The following COL6A3 variants were observed in gnomAD, a reference collection of about 807,000 sequenced individuals.
The protein encoded by COL6A3 is collagen type VI alpha 3 chain.
Under a neutral mutation model 274.1 loss-of-function variants are expected in COL6A3, and 137 were observed. The ratio of observed to expected loss-of-function variants is 0.50; its 90% CI spans 0.44 to 0.58. The LOEUF (loss-of-function observed/expected upper bound fraction) is 0.58. COL6A3 is among the 20% of genes least tolerant of loss of function. The pLI, the probability that COL6A3 is intolerant of heterozygous loss-of-function variation, is 0.00. For missense variants in COL6A3, 3,950 were observed against 4,124.9 expected (o/e 0.96, Z 1.16); for synonymous variants, 1,650 against 1,650.6 (o/e 1.00, Z 0.01).
At chr2:237,333,295 G>T in intron 42 of COL6A3, 155 bp downstream of exon 42, 1 of 719,646 alleles carries the variant, frequency 1.4e-6, no homozygotes, top group Admixed American at 2.0e-5. Context: ...GGATTATGCA[G>T]AATAAGATGA....
chr2:237,385,179 A>G (rs1475465781), intron 4 of COL6A3, among the ~76,000 whole-genome samples: 2 of 152,110 alleles, frequency 1.3e-5, no homozygotes, highest in African/African-American at 4.8e-5. Flanking sequence ...TCACTAGTTT[A>G]TATTATTATT....
At position 237,324,592 on chromosome 2, in the gene COL6A3, C is replaced by G; in HGVS notation, c.*182G>C. The G allele has an allele frequency of 1.6e-6, 1 of 637,448 alleles. No homozygotes were observed. The highest frequency in any genetic ancestry group is 2.9e-5 in the East Asian group (1 of 34,866). 39.5% of individuals were successfully genotyped at this position (637,448 alleles called of 1,614,324 possible). On this transcript the variant is annotated 3_prime_UTR_variant, in exon 44 of 44. Coordinates refer to ENST00000295550, the MANE Select transcript of COL6A3 (RefSeq NM_004369.4). ...CCTGGAGACAGAGAGCGAGGGTCCA[C>G]AGACACATTAGCACCATACTGATAG...
Position 237,377,136 on chromosome 2 carries a change from A to G in COL6A3, c.2706T>C (p.Leu902=), listed in dbSNP as rs754060767. The change falls in exon 7 of 44, where the codon CTT becomes CTC. Residue 902 remains leucine, a synonymous_variant. Coordinates refer to ENST00000295550, the MANE Select transcript of COL6A3 (RefSeq NM_004369.4). The part of the protein sequence containing the change: ...EHQSKPEILN[L]VKRMKIKTGK... Reference sequence around the variant, plus strand: ...CCGTCTTGATCTTCATTCTCTTCACAAGATTCAGGATCTCAGGCTTACTCT... The same window carrying G: ...CCGTCTTGATCTTCATTCTCTTCACGAGATTCAGGATCTCAGGCTTACTCT... 2 of 1,614,144 alleles carry G rather than the reference A, an allele frequency of 1.2e-6. No homozygotes were observed. Among genetic ancestry groups the G allele is most frequent in the East Asian group, 4.5e-5 (2 of 44,882 alleles).
chr2:237,356,333 C>G (rs986871373), intron 23 of COL6A3, among the ~76,000 whole-genome samples: 2 of 152,122 alleles, frequency 1.3e-5, no homozygotes, highest in African/African-American at 4.8e-5. Flanking sequence ...CACTTCCAAG[C>G]AGTTGATCCA....
intron 24 of COL6A3, among the ~76,000 whole-genome samples, chr2:237,354,435 T>C (rs765172433): frequency 2.0e-5 from 3 of 152,056 alleles, no homozygotes; most frequent in South Asian, 2.1e-4. Flanking sequence ...GACAAAGGCA[T>C]ATCCAATTGC....
At chr2:237,406,517 A>G (rs1478186699) in intron 1 of COL6A3, among the ~76,000 whole-genome samples, 2 of 152,138 alleles carry the variant, frequency 1.3e-5, no homozygotes, top group Non-Finnish European at 2.9e-5. Context: ...AGCCGTGCAC[A>G]CTGACTGTGA....
rs756709812 is a variant in COL6A3, at chr2:237,380,982, G to A, written c.1830C>T (p.Ala610=). 77 of 1,614,072 alleles carry A rather than the reference G, an allele frequency of 4.8e-5. No individual in the cohort carries two copies. The highest frequency in any genetic ancestry group is 8.9e-5 in the East Asian group (4 of 44,886). The change falls in exon 5 of 44, where the codon GCC becomes GCT. Residue 610 remains alanine, a synonymous_variant. Coordinates refer to ENST00000295550, the MANE Select transcript of COL6A3 (RefSeq NM_004369.4). The stretch of plus-strand genomic sequence containing the variant: ...CAGGCAGCATGCCTTGCAATGGGGC[G>A]GCTCGGAACTCAGCTGGGATGAACA... ...SLVFIPAEFR[A]APLQGMLPGL...
Position 237,387,676 on chromosome 2 carries a change from A to G in COL6A3, c.1218T>C (p.Arg406=), listed in dbSNP as rs766367190. 5.6e-6 allele frequency: 9 copies of G among 1,613,942 alleles called. No homozygotes were observed. The Admixed American group carries it at 1.5e-4, about 27-fold the overall frequency. Residue 406 remains arginine, a synonymous_variant, in exon 4 of 44, where the codon CGT becomes CGC. Transcript: ENST00000295550. ...DNLVFTVPEF[R]SFGDLQEKLL... is the part of the protein sequence containing the mutation. ...ATTTCTCCTGGAGGTCCCCAAAGCT[A>G]CGGAATTCCGGGACAGTAAACACCA... is the stretch of plus-strand genomic sequence containing the variant.
intron 23 of COL6A3, among the ~76,000 whole-genome samples, chr2:237,356,170 G>T (rs892788985): frequency 3.3e-5 from 5 of 152,154 alleles, no homozygotes; most frequent in African/African-American, 1.2e-4. Flanking sequence ...TTAATTGTAT[G>T]AACTACTCAA....
intron 9 of COL6A3, among the ~76,000 whole-genome samples, chr2:237,370,281 C>G (rs2077655147): frequency 6.6e-6 from 1 of 151,136 alleles, no homozygotes; most frequent in South Asian, 2.1e-4. Flanking sequence ...CTCTGTCGCC[C>G]AGGCTGGAGT....
intron 33 of COL6A3, 40 bp from the exon 34 acceptor site, chr2:237,345,134 C>T: frequency 6.2e-7 from 1 of 1,614,080 alleles, no homozygotes; most frequent in African/African-American, 1.3e-5. Flanking sequence ...GAGAGCAAAT[C>T]AAAGGCTCAT....
Position 237,387,646 on chromosome 2 carries a change from C to G in COL6A3, c.1248G>C (p.Leu416=). 1.9e-6 allele frequency: 3 copies of G among 1,613,796 alleles called. No individual in the cohort carries two copies. Among genetic ancestry groups the G allele is most frequent in the Non-Finnish European group, 2.5e-6 (3 of 1,179,898 alleles). ...RSFGDLQEKL[L]PYIVGVAQRH... ...TTTGGGCCACGCCAACAATGTACGG[C>G]AGTAATTTCTCCTGGAGGTCCCCAA... Residue 416 remains leucine (L), a synonymous_variant, in exon 4 of 44, where the codon CTG becomes CTC. Coordinates refer to ENST00000295550, the MANE Select transcript of COL6A3 (RefSeq NM_004369.4).
At position 237,368,737 on chromosome 2, in the gene COL6A3, G is replaced by T. The variant is rs773979979; in HGVS notation, c.4726C>A (p.Arg1576=). 6.2e-7 allele frequency: 1 copy of T among 1,614,124 alleles called. No homozygotes were observed. The highest frequency in any genetic ancestry group is 1.1e-5 in the South Asian group (1 of 91,076). The part of the protein sequence containing the change: ...SGIVSLGVGD[R]NIDRTELQTI... ...TGCAGCTCTGTTCTGTCGATGTTCC[G>T]GTCTCCTACCCCTAAACTCACAATG... The change falls in exon 10 of 44, where the codon CGG becomes AGG. Residue 1576 remains arginine (R), a synonymous_variant. Transcript: ENST00000295550. This position sits in a 1 kb window ranked among gnomAD's most constrained non-coding sequence, Gnocchi z 4.4.
intron 1 of COL6A3, among the ~76,000 whole-genome samples, chr2:237,412,851 G>A (rs10929231): frequency 0.25 from 38,715 of 151,828 alleles, 5,195 homozygotes; most frequent in Admixed American, 0.37. Context: ...GTCAGCCGGG[G>A]CCACAGCCCT....
At chr2:237,373,805 A>C (rs936038755) in intron 8 of COL6A3, among the ~76,000 whole-genome samples, 1 of 152,020 alleles carries the variant, frequency 6.6e-6, no homozygotes, top group Non-Finnish European at 1.5e-5. Flanking sequence ...GGCTCCCACC[A>C]TTTTTTAGTT....
At chr2:237,370,392 C>A (rs2077657861) in intron 9 of COL6A3, among the ~76,000 whole-genome samples, 1 of 151,908 alleles carries the variant, frequency 6.6e-6, no homozygotes, top group Admixed American at 6.6e-5. Flanking sequence ...GTGTGTGCCA[C>A]CACACCCAGC....
intron 3 of COL6A3, among the ~76,000 whole-genome samples, chr2:237,391,198 C>T (rs574260436): frequency 2.2e-4 from 33 of 151,532 alleles, no homozygotes; most frequent in Admixed American, 2.0e-3. Flanking sequence ...TGCAGCGGGA[C>T]GTGGTACTAG....
Position 237,368,924 on chromosome 2 carries a change from T to G in COL6A3, c.4539A>C (p.Pro1513=). ...ATTCGAGAGCCTTGCCAGTGTTCAG[T>G]GGGGACCCCCCTCTGAGCCTCAGGC... ...IRRLRLRGGS[P]LNTGKALEFV... is the part of the protein sequence containing the mutation. Residue 1513 remains proline (P), a synonymous_variant, in exon 10 of 44, where the codon CCA becomes CCC. Transcript: ENST00000295550. The surrounding 1 kb of genome is among the most constrained non-coding windows in gnomAD (Gnocchi z 4.4). 6.2e-7 allele frequency: 1 copy of G among 1,614,192 alleles called. No individual in the cohort carries two copies. The highest frequency in any genetic ancestry group is 1.1e-5 in the South Asian group (1 of 91,076).
rs1405374416 is a variant in COL6A3 at position 237,325,669 on chromosome 2, C to T, written c.9384G>A (p.Trp3128Ter). 1 of 1,614,026 alleles carries T rather than the reference C, an allele frequency of 6.2e-7. No individual in the cohort carries two copies. Among genetic ancestry groups the T allele is most frequent in the South Asian group, 1.1e-5 (1 of 91,084 alleles). Residue 3128 changes from tryptophan (W) to a stop codon, truncating the protein, a stop_gained, in exon 43 of 44, where the codon TGG becomes TGA. Transcript: ENST00000295550. LOFTEE classifies it high-confidence loss of function. ...EGTCRDFILK[W>*]YYDPNTKSCA... Reference sequence around the variant, plus strand: ...AGCTTTTGGTGTTTGGATCATAGTACCATTTTAATATGAAATCCCTGCAAG... The same window carrying T: ...AGCTTTTGGTGTTTGGATCATAGTATCATTTTAATATGAAATCCCTGCAAG...
Sources: gnomAD v4.1 joint callset for allele counts (sites outside exome capture counted in the v4.1 genomes callset) on GRCh38, gnomAD v4.1.1 for gene constraint, Gnocchi (gnomAD v3.1) non-coding constraint, MANE v1.5 for transcripts, NCBI Gene and HGNC (gene_info 2026-07-23, HGNC 2026-07-21) for gene names.